Variants in SPAG16 observed in about 807,000 individuals in gnomAD.
SPAG16 encodes sperm-associated antigen 16 protein.
SPAG16 carries 86 observed loss-of-function variants against 80.4 expected under a neutral mutation model. That is an observed-to-expected ratio of 1.07 (90% confidence interval 0.90 to 1.28). SPAG16 has a LOEUF of 1.28. Ranked by LOEUF, SPAG16 falls within the 50% of genes most tolerant of loss-of-function variation. The probability of loss-of-function intolerance (pLI) is 0.00; values close to 1 mark genes in which losing one functional copy is unlikely to be tolerated. For missense variants in SPAG16, 870 were observed against 765.3 expected, an observed-to-expected ratio of 1.14 and a Z score of -1.61; for synonymous variants, 294 against 265.9, an observed-to-expected ratio of 1.11 and a Z score of -1.03.
intron 9 of SPAG16, among the ~76,000 whole-genome samples, chr2:213,449,470 A>T (rs2071555795): frequency 6.6e-6 from 1 of 152,108 alleles, no homozygotes; most frequent in African/African-American, 2.4e-5. Context: ...CCTTAATAAA[A>T]ACTTGCTGGT....
At chr2:213,827,298 G>C (rs1575261096) in intron 10 of SPAG16, among the ~76,000 whole-genome samples, 2 of 151,696 alleles carry the variant, frequency 1.3e-5, no homozygotes. Flanking sequence ...TTTCTATGGT[G>C]ATTTGTTTTA....
chr2:213,889,564 A>T (rs925116842), intron 11 of SPAG16, among the ~76,000 whole-genome samples: 1 of 151,234 alleles, frequency 6.6e-6, no homozygotes, highest in African/African-American at 2.4e-5. Context: ...TCTCTGGCCA[A>T]CCTGCACCCA....
At chr2:213,373,324 GA>G (rs1331415140) in intron 8 of SPAG16, among the ~76,000 whole-genome samples, 1 of 152,110 alleles carries the variant, frequency 6.6e-6, no homozygotes, top group Non-Finnish European at 1.5e-5. Flanking sequence ...ATTTGCTGGA[GA>G]GTGGAAATCA....
rs941954325 is a variant in SPAG16 at position 214,365,903 on chromosome 2, A to G, written c.1721-44237A>G. ...TAAATTTATCCTTACAACTAAAAAT[A>G]AAAAGGAATTCTATAAATGCATACC... On this transcript the variant is annotated intron_variant, in intron 15 of 15. Transcript: ENST00000331683. Among the ~76,000 whole-genome samples, 6 of 152,272 alleles carry G rather than the reference A, an allele frequency of 3.9e-5. No homozygotes were observed. The East Asian group carries it at 1.2e-3, about 29-fold the overall frequency.
rs1559395740 is a variant in SPAG16, at chr2:213,310,066, A to T, written c.287A>T (p.Lys96Ile). The change falls in exon 4 of 16, where the codon AAA becomes ATA. Residue 96 changes from lysine to isoleucine, a missense_variant. Lys to Ile is a moderately radical substitution (Grantham distance 102). Coordinates refer to ENST00000331683, the MANE Select transcript of SPAG16 (RefSeq NM_024532.5). ...QATDTEILERKTVLPSKHAVP... is the reference protein window; with the variant it reads ...QATDTEILERITVLPSKHAVP... Reference sequence around the variant, plus strand: ...TGCACGTTTAAATTTCAGGAACGGAAAACAGTTCTTCCTTCAAAGCATGCA... The same window carrying T: ...TGCACGTTTAAATTTCAGGAACGGATAACAGTTCTTCCTTCAAAGCATGCA... 6.3e-7 allele frequency: 1 copy of T among 1,598,978 alleles called. No individual in the cohort carries two copies. The highest frequency in any genetic ancestry group is 2.2e-5 in the East Asian group (1 of 44,634).
chr2:214,377,607 C>T (rs542809051), intron 15 of SPAG16, among the ~76,000 whole-genome samples: 3 of 150,654 alleles, frequency 2.0e-5, no homozygotes, highest in African/African-American at 4.8e-5. Flanking sequence ...CGACTGTTTA[C>T]GTTATTGGTA....
chr2:213,567,328 C>A (rs1471276173), intron 10 of SPAG16, among the ~76,000 whole-genome samples: 5 of 131,898 alleles, frequency 3.8e-5, no homozygotes, highest in African/African-American at 1.2e-4. Flanking sequence ...GTGCGCTGCA[C>A]CCACTAATGT....
intron 13 of SPAG16, among the ~76,000 whole-genome samples, chr2:214,060,494 C>T (rs1017550864): frequency 3.3e-5 from 5 of 151,732 alleles, no homozygotes; most frequent in Non-Finnish European, 7.4e-5. Context: ...AAATAAAAAT[C>T]GAAAGAAAAA....
intron 13 of SPAG16, among the ~76,000 whole-genome samples, chr2:214,083,742 T>G (rs543527345): frequency 7.2e-5 from 11 of 152,292 alleles, no homozygotes; most frequent in Middle Eastern, 3.4e-3. Flanking sequence ...TACATGGGTA[T>G]GTTGCATGAG....
At chr2:213,490,145 T>A (rs571918350) in intron 10 of SPAG16, 55 bp downstream of exon 10, 1 of 1,490,750 alleles carries the variant, frequency 6.7e-7, no homozygotes, top group Middle Eastern at 2.2e-4. Flanking sequence ...CATGTCAAAA[T>A]TTTAATGCTC....
At chr2:213,804,021 C>A (rs994097015) in intron 10 of SPAG16, among the ~76,000 whole-genome samples, 4 of 152,192 alleles carry the variant, frequency 2.6e-5, no homozygotes, top group African/African-American at 9.6e-5. Context: ...CTCTTTCCAG[C>A]CTCTCCAACT....
chr2:214,291,803 A>G (rs573386437), intron 15 of SPAG16, among the ~76,000 whole-genome samples: 2 of 152,142 alleles, frequency 1.3e-5, no homozygotes, highest in East Asian at 3.9e-4. Context: ...CTGTAGTGGT[A>G]CAATTTGGGT....
chr2:213,752,276 T>C (rs1030536699), intron 10 of SPAG16, among the ~76,000 whole-genome samples: 2 of 152,218 alleles, frequency 1.3e-5, no homozygotes, highest in African/African-American at 4.8e-5. Flanking sequence ...ATCACCATTT[T>C]AATTTCTTTA....
intron 10 of SPAG16, among the ~76,000 whole-genome samples, chr2:213,657,575 T>C (rs530809618): frequency 5.9e-5 from 9 of 152,312 alleles, no homozygotes; most frequent in African/African-American, 1.9e-4. Flanking sequence ...TTTATGTTTT[T>C]ATGAAAGTTT....
At chr2:213,770,921 C>T (rs2125551063) in intron 10 of SPAG16, among the ~76,000 whole-genome samples, 1 of 152,272 alleles carries the variant, frequency 6.6e-6, no homozygotes, top group South Asian at 2.1e-4. Flanking sequence ...CTGCAGTGAA[C>T]ACATGCGTGC....
At chr2:213,320,669 C>G (rs920566844) in intron 5 of SPAG16, among the ~76,000 whole-genome samples, 1 of 151,980 alleles carries the variant, frequency 6.6e-6, no homozygotes, top group African/African-American at 2.4e-5. Context: ...CAATATTTGT[C>G]TTTCTGTACC....
intron 6 of SPAG16, among the ~76,000 whole-genome samples, chr2:213,348,928 C>T (rs2125031851): frequency 6.6e-6 from 1 of 152,188 alleles, no homozygotes; most frequent in East Asian, 1.9e-4. Flanking sequence ...CTTTCCAGTG[C>T]ACATGGAATT....
chr2:213,733,479 T>C (rs1307430285), intron 10 of SPAG16, among the ~76,000 whole-genome samples: 1 of 150,438 alleles, frequency 6.6e-6, no homozygotes, highest in East Asian at 2.0e-4. Flanking sequence ...CTTCATTTCT[T>C]CTGCCAGAGT....
At chr2:214,353,702 T>C (rs1001907082) in intron 15 of SPAG16, among the ~76,000 whole-genome samples, 3 of 152,156 alleles carry the variant, frequency 2.0e-5, no homozygotes, top group Non-Finnish European at 4.4e-5. Flanking sequence ...TTCAAAGATA[T>C]TTAAACTTCT....
Sources: gnomAD v4.1 joint callset for allele counts (sites outside exome capture counted in the v4.1 genomes callset) on GRCh38, gnomAD v4.1.1 for gene constraint, MANE v1.5 for transcripts, NCBI Gene and HGNC (gene_info 2026-07-23, HGNC 2026-07-21) for gene names.